ZDHHC2: variants seen among roughly 807,000 people sequenced by gnomAD.
The protein encoded by ZDHHC2 is palmitoyltransferase ZDHHC2.
Under a neutral mutation model 55.6 loss-of-function variants are expected in ZDHHC2, and 51 were observed. The ratio of observed to expected loss-of-function variants is 0.92; its 90% CI spans 0.73 to 1.16. The LOEUF (loss-of-function observed/expected upper bound fraction) is 1.16. Among genes scored for constraint, ZDHHC2 ranks in the 50% most tolerant of loss-of-function variants. The pLI is 0.00. For missense variants in ZDHHC2, 491 were observed against 442.4 expected (o/e 1.11, Z -0.99); for synonymous variants, 199 against 152.9 (o/e 1.30, Z -2.22).
At chr8:17,182,907 C>T (rs1167725913) in intron 1 of ZDHHC2, among the ~76,000 whole-genome samples, 2 of 152,044 alleles carry the variant, frequency 1.3e-5, no homozygotes, top group Admixed American at 6.6e-5. Context: ...ATTACAGGCG[C>T]GTGTCACCAC....
At chr8:17,210,726 TTGAC>T (rs1204549005) in intron 10 of ZDHHC2, among the ~76,000 whole-genome samples, 2 of 152,240 alleles carry the variant, frequency 1.3e-5, no homozygotes, top group East Asian at 3.9e-4. Context: ...TACATTTTGG[TTGAC>T]TGAAATATTT....
intron 1 of ZDHHC2, among the ~76,000 whole-genome samples, chr8:17,173,524 A>G (rs958508021): frequency 1.3e-5 from 2 of 152,022 alleles, no homozygotes; most frequent in Non-Finnish European, 2.9e-5. Flanking sequence ...AAAAAAAATA[A>G]AATTATAAAT....
At chr8:17,189,034 G>A (rs925460884) in intron 3 of ZDHHC2, among the ~76,000 whole-genome samples, 2 of 151,046 alleles carry the variant, frequency 1.3e-5, no homozygotes, top group Non-Finnish European at 1.5e-5. Context: ...CTCCCACCCC[G>A]GTCCAAGCCA....
In ZDHHC2 at chr8:17,172,520, G is replaced by T. The variant is rs537760518; in HGVS notation, c.131-12269G>T. Among the ~76,000 whole-genome samples the T allele has an allele frequency of 2.4e-4, 36 of 152,240 alleles. No homozygotes were observed. The South Asian group carries it at 7.3e-3, about 31-fold the overall frequency. ...TTCTAGAGATCGGCTCTACATCCAC[G>T]TGCCTATACTCAACCATACGGTATT... On this transcript the variant is annotated intron_variant, in intron 1 of 12. Coordinates refer to ENST00000262096, the MANE Select transcript of ZDHHC2 (RefSeq NM_016353.5).
intron 3 of ZDHHC2, among the ~76,000 whole-genome samples, chr8:17,186,909 C>G (rs1289810026): frequency 6.6e-6 from 1 of 152,194 alleles, no homozygotes; most frequent in Non-Finnish European, 1.5e-5. Flanking sequence ...CACGTGTAGC[C>G]TCCATTTCCA....
chr8:17,170,956 A>C (rs1451089461), intron 1 of ZDHHC2, among the ~76,000 whole-genome samples: 1 of 152,232 alleles, frequency 6.6e-6, no homozygotes, highest in Non-Finnish European at 1.5e-5. Flanking sequence ...GTTCTGACTA[A>C]TAAGGGGAGT....
At chr8:17,176,364 G>T (rs1309547663) in intron 1 of ZDHHC2, among the ~76,000 whole-genome samples, 1 of 152,074 alleles carries the variant, frequency 6.6e-6, no homozygotes, top group African/African-American at 2.4e-5. Flanking sequence ...CTATTTTGAA[G>T]CTACTTATCT....
chr8:17,170,052 C>G (rs1185162141), intron 1 of ZDHHC2, among the ~76,000 whole-genome samples: 1 of 152,156 alleles, frequency 6.6e-6, no homozygotes, highest in Non-Finnish European at 1.5e-5. Flanking sequence ...ACTGTTTCAG[C>G]AATTGCTGTC....
At chr8:17,217,648 CT>C (rs772046802) in intron 12 of ZDHHC2, among the ~76,000 whole-genome samples, 41 of 152,252 alleles carry the variant, frequency 2.7e-4, no homozygotes, top group Admixed American at 4.6e-4. Flanking sequence ...TTAGGAAACT[CT>C]AAGTCGAAGT....
intron 1 of ZDHHC2, among the ~76,000 whole-genome samples, chr8:17,164,001 T>C (rs1305469085): frequency 1.3e-5 from 2 of 152,170 alleles, no homozygotes; most frequent in Non-Finnish European, 2.9e-5. Flanking sequence ...TTCAATCAAA[T>C]GGCAGTAGTG....
chr8:17,219,938 G>T (rs531711156), intron 12 of ZDHHC2, among the ~76,000 whole-genome samples: 39 of 152,192 alleles, frequency 2.6e-4, no homozygotes, highest in African/African-American at 9.4e-4. Context: ...CACTCACATT[G>T]AAGCCCCAAA....
At chr8:17,189,770 T>C (rs1316135633) in intron 3 of ZDHHC2, among the ~76,000 whole-genome samples, 1 of 152,240 alleles carries the variant, frequency 6.6e-6, no homozygotes, top group Non-Finnish European at 1.5e-5. Flanking sequence ...GTCAAATCGA[T>C]GACAGTGACA....
At position 17,221,980 on chromosome 8, in the gene ZDHHC2, G is replaced by GTTTTTTT. The variant is rs34608913; in HGVS notation, c.*1774_*1780dup. 4.0e-5 allele frequency: 4 copies of GTTTTTTT among 99,558 alleles called. No individual in the cohort carries two copies. Among genetic ancestry groups the GTTTTTTT allele is most frequent in the Admixed American group, 1.2e-4 (1 of 8,606 alleles). The allele number at this position is 99,558 out of a possible 1,614,324, so 6.2% of individuals were successfully genotyped here. ...TTAAGAATTATATGAAGTCAGGTTT[G>GTTTTTTT]TTTTTTTTTTTTTTTTTTTTTCAAA... On this transcript the variant is annotated 3_prime_UTR_variant, in exon 13 of 13. Transcript: ENST00000262096.
In ZDHHC2 at chr8:17,188,220, C is replaced by T. The variant is rs970269326; in HGVS notation, c.252+1795C>T. ...GGTTTTCTGTTTACAGCCTGGCCTA[C>T]CTTTCCTTCCCAGAACCCCACAAAA... On this transcript the variant is annotated intron_variant, in intron 3 of 12. Transcript: ENST00000262096. 2.0e-5 allele frequency among the ~76,000 whole-genome samples: 3 copies of T among 152,182 alleles called. No individual in the cohort carries two copies. The South Asian group carries it at 6.2e-4, about 31-fold the overall frequency.
rs555256711 is a variant in ZDHHC2, at chr8:17,182,426, G to A, written c.131-2363G>A. 8.5e-5 allele frequency among the ~76,000 whole-genome samples: 13 copies of A among 152,150 alleles called. No homozygotes were observed. The East Asian group carries it at 1.2e-3, about 14-fold the overall frequency. ...GATTTTTATTTAGGCCTATGATGTC[G>A]ACAAAAATTAAACAGAGTTACGTTT... On this transcript the variant is annotated intron_variant, in intron 1 of 12. Coordinates refer to ENST00000262096, the MANE Select transcript of ZDHHC2 (RefSeq NM_016353.5).
chr8:17,156,717 C>G lies in ZDHHC2; in HGVS notation c.-7C>G. ...GGCGGAGCTGGGCAGGTGGATGCGG[C>G]TGGAAGATGGCGCCCTCGGGCCCGG... On this transcript the variant is annotated 5_prime_UTR_variant, in exon 1 of 13. Coordinates refer to ENST00000262096, the MANE Select transcript of ZDHHC2 (RefSeq NM_016353.5). 1 of 1,465,480 alleles carries G rather than the reference C, an allele frequency of 6.8e-7. No homozygotes were observed. The highest frequency in any genetic ancestry group is 2.3e-4 in the Middle Eastern group (1 of 4,292). The allele number at this position is 1,465,480 out of a possible 1,614,324, so 90.8% of individuals were successfully genotyped here.
At chr8:17,191,938 C>A (rs963389784) in intron 3 of ZDHHC2, among the ~76,000 whole-genome samples, 2 of 152,094 alleles carry the variant, frequency 1.3e-5, no homozygotes, top group African/African-American at 4.8e-5. Context: ...TACAAGGGTT[C>A]CCTTTTCTCC....
In ZDHHC2 at chr8:17,186,376, G is replaced by A; in HGVS notation, c.203G>A (p.Trp68Ter). 6.3e-7 allele frequency: 1 copy of A among 1,588,020 alleles called. No individual in the cohort carries two copies. The highest frequency in any genetic ancestry group is 8.5e-7 in the Non-Finnish European group (1 of 1,171,364). ...AYHLLFAMFV[W>*]SYWKTIFTLP... is the part of the protein sequence containing the mutation. Reference sequence around the variant, plus strand: ...CATCTACTTTTTGCAATGTTTGTCTGGTCATACTGGAAAACTATCTTTACA... The same window carrying A: ...CATCTACTTTTTGCAATGTTTGTCTAGTCATACTGGAAAACTATCTTTACA... Residue 68 changes from tryptophan (W) to a stop codon, truncating the protein, a stop_gained, in exon 3 of 13, where the codon TGG becomes TAG. Coordinates refer to ENST00000262096, the MANE Select transcript of ZDHHC2 (RefSeq NM_016353.5). LOFTEE classifies it high-confidence loss of function.
At chr8:17,201,939 C>T (rs1399300954) in intron 6 of ZDHHC2, among the ~76,000 whole-genome samples, 1 of 152,124 alleles carries the variant, frequency 6.6e-6, no homozygotes, top group East Asian at 1.9e-4. Flanking sequence ...CTTAAGATTA[C>T]CCACCAGAAT....
Sources: gnomAD v4.1 joint callset for allele counts (sites outside exome capture counted in the v4.1 genomes callset) on GRCh38, gnomAD v4.1.1 for gene constraint, MANE v1.5 for transcripts, NCBI Gene and HGNC (gene_info 2026-07-23, HGNC 2026-07-21) for gene names.